The following COL24A1 variants were observed in gnomAD, a reference collection of about 807,000 sequenced individuals.
COL24A1 encodes collagen alpha-1(XXIV) chain.
A neutral mutation model predicts 253.9 loss-of-function variants in COL24A1; 224 were observed. The ratio of observed to expected loss-of-function variants is 0.88; its 90% CI spans 0.79 to 0.99. The LOEUF (loss-of-function observed/expected upper bound fraction) is 0.99, where lower values mean the gene tolerates loss of function less well. Among genes scored for constraint, COL24A1 ranks in the 50% least tolerant of loss-of-function variants. The pLI, the probability that COL24A1 is intolerant of heterozygous loss-of-function variation, is 0.00. For missense variants in COL24A1, 2,131 were observed against 2,068.5 expected (o/e 1.03, Z -0.59); for synonymous variants, 685 against 673.7 (o/e 1.02, Z -0.26).
At chr1:85,878,839 G>A (rs1357017289) in intron 32 of COL24A1, among the ~76,000 whole-genome samples, 3 of 152,124 alleles carry the variant, frequency 2.0e-5, no homozygotes, top group African/African-American at 4.8e-5. Context: ...GACATATGAT[G>A]TTGAGCATAT....
intron 47 of COL24A1, among the ~76,000 whole-genome samples, chr1:85,810,797 C>T (rs982241329): frequency 3.3e-5 from 5 of 152,178 alleles, no homozygotes; most frequent in Non-Finnish European, 7.4e-5. Context: ...GAATAGGTTC[C>T]AGCACCATGC....
At chr1:85,834,194 T>C (rs1675725609) in intron 43 of COL24A1, among the ~76,000 whole-genome samples, 1 of 151,714 alleles carries the variant, frequency 6.6e-6, no homozygotes, top group African/African-American at 2.4e-5. Context: ...GTAACTAGAT[T>C]CCAGAAACAT....
rs546369074 is a variant in COL24A1, at chr1:85,734,182, C to G, written c.4998+567G>C. On this transcript the variant is annotated intron_variant, in intron 59 of 59. Coordinates refer to ENST00000370571, the MANE Select transcript of COL24A1 (RefSeq NM_152890.7). ...CCTCCCAAAGTGCTGGGATTACAGGCATGAGCCACCATGCCTGGCCCCACT... is the reference window on the plus strand; with the variant it reads ...CCTCCCAAAGTGCTGGGATTACAGGGATGAGCCACCATGCCTGGCCCCACT... Among the ~76,000 whole-genome samples, 88 of 151,976 alleles carry G rather than the reference C, an allele frequency of 5.8e-4. 3 individuals are homozygous for G. The South Asian group carries it at 0.018, about 31-fold the overall frequency.
At chr1:85,884,544 A>T (rs181016821) in intron 32 of COL24A1, among the ~76,000 whole-genome samples, 1 of 152,140 alleles carries the variant, frequency 6.6e-6, no homozygotes, top group Non-Finnish European at 1.5e-5. Flanking sequence ...AGGGCATTCT[A>T]TAGTTCTACA....
chr1:85,952,695 C>T (rs1690048741), intron 24 of COL24A1, among the ~76,000 whole-genome samples: 1 of 152,186 alleles, frequency 6.6e-6, no homozygotes, highest in African/African-American at 2.4e-5. Flanking sequence ...GGAACAGAGC[C>T]AGGCTCAATC....
chr1:85,774,879 G>C (rs563666862), intron 53 of COL24A1, among the ~76,000 whole-genome samples: 1 of 152,174 alleles, frequency 6.6e-6, no homozygotes, highest in Non-Finnish European at 1.5e-5. Context: ...TTTCAGTTCT[G>C]CTCTGATCTT....
chr1:86,093,562 T>C (rs1703668201), intron 5 of COL24A1, among the ~76,000 whole-genome samples: 2 of 151,998 alleles, frequency 1.3e-5, no homozygotes, highest in African/African-American at 2.4e-5. Flanking sequence ...GGCAATATGA[T>C]TTAGTACATA....
At chr1:85,785,513 G>A (rs762732539) in intron 48 of COL24A1, among the ~76,000 whole-genome samples, 6 of 152,134 alleles carry the variant, frequency 3.9e-5, no homozygotes, top group Non-Finnish European at 8.8e-5. Context: ...CTTTCTTATT[G>A]CAAATTCAAG....
At chr1:86,026,586 C>A (rs1698047625) in intron 14 of COL24A1, among the ~76,000 whole-genome samples, 2 of 152,228 alleles carry the variant, frequency 1.3e-5, no homozygotes, top group African/African-American at 4.8e-5. Flanking sequence ...CCTGAGGTCA[C>A]CCCAGCAATG....
At chr1:86,028,072 AG>A (rs1209112075) in intron 14 of COL24A1, among the ~76,000 whole-genome samples, 1 of 151,946 alleles carries the variant, frequency 6.6e-6, no homozygotes, top group Non-Finnish European at 1.5e-5. Flanking sequence ...TTGGAATGGG[AG>A]TATTTACCCA....
intron 53 of COL24A1, among the ~76,000 whole-genome samples, chr1:85,763,215 G>A (rs1226415929): frequency 1.3e-5 from 2 of 151,950 alleles, no homozygotes; most frequent in Non-Finnish European, 2.9e-5. Flanking sequence ...TCAGGAGTTT[G>A]AGACCAGCCT....
rs769095226 is a variant in COL24A1, at chr1:85,868,832, C to T, written c.3142G>A (p.Glu1048Lys). 3 of 1,585,514 alleles carry T rather than the reference C, an allele frequency of 1.9e-6. No homozygotes were observed. The South Asian group carries it at 3.5e-5, about 19-fold the overall frequency. Residue 1048 changes from glutamate (E) to lysine (K), a missense_variant, in exon 36 of 60, where the codon GAA becomes AAA. Physicochemically the swap from Glu to Lys is moderately conservative, Grantham distance 56. Transcript: ENST00000370571. ...GGTGEPGLRG[E>K]PGAPGEEGLQ... is the part of the protein sequence containing the mutation. ...CCTTCTTCTCCAGGAGCTCCTGGTT[C>T]ACCCTATTTTGTAGCAGAAAGAGTA...
chr1:86,148,518 C>A (rs1170904439), intron 1 of COL24A1, among the ~76,000 whole-genome samples: 1 of 149,988 alleles, frequency 6.7e-6, no homozygotes. Flanking sequence ...CCCCACAACA[C>A]TCCCCAGAGT....
intron 38 of COL24A1, 59 bp from the exon 39 acceptor site, chr1:85,847,831 A>G (rs567330809): frequency 3.0e-4 from 319 of 1,052,668 alleles, no homozygotes; most frequent in Non-Finnish European, 4.3e-4. Context: ...TAGATTAATT[A>G]ACTATATCAT....
intron 35 of COL24A1, among the ~76,000 whole-genome samples, chr1:85,873,795 G>A (rs1394738295): frequency 6.6e-5 from 10 of 150,810 alleles, no homozygotes; most frequent in South Asian, 2.1e-4. Context: ...AAACCTGCAC[G>A]TTGTGCACAT....
chr1:86,021,345 A>T (rs55708754), intron 18 of COL24A1, among the ~76,000 whole-genome samples: 14,134 of 152,122 alleles, frequency 0.093, 1,424 homozygotes, highest in East Asian at 0.42. Context: ...TGTAATCAAT[A>T]TTAAACTCCT....
chr1:85,860,059 G>A (rs1166472139), intron 37 of COL24A1, among the ~76,000 whole-genome samples: 2 of 146,280 alleles, frequency 1.4e-5, no homozygotes, highest in Non-Finnish European at 2.9e-5. Flanking sequence ...GAACCAGTTG[G>A]GATTCCCTAT....
intron 19 of COL24A1, among the ~76,000 whole-genome samples, chr1:86,008,903 AT>A (rs1433340236): frequency 3.3e-4 from 34 of 103,290 alleles, no homozygotes; most frequent in Middle Eastern, 0.012. Context: ...CAACAAAAAA[AT>A]AAAATGCTTA....
intron 55 of COL24A1, among the ~76,000 whole-genome samples, chr1:85,755,104 T>C (rs1163884696): frequency 6.6e-6 from 1 of 152,056 alleles, no homozygotes; most frequent in East Asian, 1.9e-4. Flanking sequence ...ACAGCTAATT[T>C]CCCATAAAAA....
Sources: gnomAD v4.1 joint callset for allele counts (sites outside exome capture counted in the v4.1 genomes callset) on GRCh38, gnomAD v4.1.1 for gene constraint, MANE v1.5 for transcripts, NCBI Gene and HGNC (gene_info 2026-07-23, HGNC 2026-07-21) for gene names.